WWOX: variants seen among roughly 807,000 people sequenced by gnomAD.
The protein encoded by WWOX is WW domain containing oxidoreductase.
WWOX carries 69 observed loss-of-function variants against 46.2 expected under a neutral mutation model. That is an observed-to-expected ratio of 1.49 (90% CI 1.23 to 1.82). The LOEUF is 1.82. Among genes scored for constraint, WWOX ranks in the 40% most tolerant of loss-of-function variants. The pLI is 0.00. For missense variants in WWOX, 919 were observed against 542.6 expected (o/e 1.69, Z -6.89); for synonymous variants, 359 against 202.6 (o/e 1.77, Z -6.56).
At chr16:78,425,707 G>C (rs979126031) in intron 7 of WWOX, among the ~76,000 whole-genome samples, 1 of 152,144 alleles carries the variant, frequency 6.6e-6, no homozygotes, top group African/African-American at 2.4e-5. Flanking sequence ...TATTTGTCTA[G>C]AGAGAAGTAC....
intron 8 of WWOX, among the ~76,000 whole-genome samples, chr16:78,720,749 C>T (rs941449714): frequency 1.3e-5 from 2 of 152,250 alleles, no homozygotes; most frequent in African/African-American, 4.8e-5. Flanking sequence ...CTTGTCTCTT[C>T]TAGAATTTAG....
intron 5 of WWOX, among the ~76,000 whole-genome samples, chr16:78,174,317 C>T (rs1057049398): frequency 2.6e-5 from 4 of 152,180 alleles, no homozygotes; most frequent in African/African-American, 4.8e-5. Flanking sequence ...ATAAACCCAT[C>T]AGATCTCTTG....
chr16:78,729,048 C>G (rs1181850615), intron 8 of WWOX, among the ~76,000 whole-genome samples: 1 of 151,990 alleles, frequency 6.6e-6, no homozygotes, highest in East Asian at 1.9e-4. Flanking sequence ...CAAAGATATC[C>G]CTAAAGACAT....
intron 7 of WWOX, among the ~76,000 whole-genome samples, chr16:78,428,315 T>C (rs2083134926): frequency 6.6e-6 from 1 of 152,152 alleles, no homozygotes; most frequent in Admixed American, 6.5e-5. Context: ...GAGGTGAACA[T>C]AGTCGTTTTT....
At chr16:78,575,037 ATATATATATATATATAT>A (rs2044829542) in intron 8 of WWOX, among the ~76,000 whole-genome samples, 2 of 2,562 alleles carry the variant, frequency 7.8e-4, no homozygotes, top group African/African-American at 3.5e-3. Context: ...ATATATATAT[ATATATATATATATATAT>A]ATATATATAT....
chr16:78,744,422 C>CTTTTTTTTT (rs976073233), intron 8 of WWOX, among the ~76,000 whole-genome samples: 2 of 82,240 alleles, frequency 2.4e-5, no homozygotes, highest in African/African-American at 1.2e-4. Flanking sequence ...GTCCACACTG[C>CTTTTTTTTT]TTTTTTTTTT....
At chr16:78,500,808 C>T (rs905868162) in intron 8 of WWOX, among the ~76,000 whole-genome samples, 8 of 152,180 alleles carry the variant, frequency 5.3e-5, no homozygotes, top group African/African-American at 1.7e-4. Context: ...TGTCATTGAT[C>T]AGTACAGACC....
rs533887197 is a variant in WWOX, at chr16:78,941,182, A to G, written c.1057-270426A>G. On this transcript the variant is annotated intron_variant, in intron 8 of 8. Transcript: ENST00000566780. ...ACTGGTGCATGAATGAATAGGAAATATCCCAGTTGCAAAGGATAAATCTAT... is the reference window on the plus strand; with the variant it reads ...ACTGGTGCATGAATGAATAGGAAATGTCCCAGTTGCAAAGGATAAATCTAT... Among the ~76,000 whole-genome samples the G allele has an allele frequency of 8.5e-5, 13 of 152,300 alleles. No homozygotes were observed. The East Asian group carries it at 2.5e-3, about 29-fold the overall frequency.
rs189466742 is a variant in WWOX, at chr16:78,745,773, C to G, written c.1056+313021C>G. Among the ~76,000 whole-genome samples, 525 of 151,622 alleles carry G rather than the reference C, an allele frequency of 3.5e-3. 7 individuals are homozygous for G. Among genetic ancestry groups the G allele is most frequent in the South Asian group, 6.3e-3 (30 of 4,782 alleles). The stretch of plus-strand genomic sequence containing the variant: ...CCCTCTTCCTCCTCTTTTTCCCCCC[C>G]CTTCAAATAGTTCCAAGACCAGAGT... On this transcript the variant is annotated intron_variant, in intron 8 of 8. Coordinates refer to ENST00000566780, the MANE Select transcript of WWOX (RefSeq NM_016373.4).
intron 8 of WWOX, among the ~76,000 whole-genome samples, chr16:78,505,204 A>G (rs184495972): frequency 2.4e-4 from 36 of 152,304 alleles, no homozygotes; most frequent in Admixed American, 2.2e-3. Context: ...GCCCATCCCA[A>G]ATGAATTCTA....
At chr16:78,817,558 C>G (rs150717710) in intron 8 of WWOX, among the ~76,000 whole-genome samples, 38 of 152,270 alleles carry the variant, frequency 2.5e-4, no homozygotes, top group African/African-American at 9.1e-4. Flanking sequence ...ATTCACGAAC[C>G]CATGCCAAGT....
chr16:78,760,742 C>A (rs2049771589), intron 8 of WWOX, among the ~76,000 whole-genome samples: 2 of 152,220 alleles, frequency 1.3e-5, no homozygotes, highest in South Asian at 4.1e-4. Flanking sequence ...CAGAATACCT[C>A]TCATGCCTGG....
chr16:78,850,243 C>G (rs933504858), intron 8 of WWOX, among the ~76,000 whole-genome samples: 1 of 152,094 alleles, frequency 6.6e-6, no homozygotes, highest in Non-Finnish European at 1.5e-5. Flanking sequence ...TGTCATCACT[C>G]CAGACAACAG....
intron 5 of WWOX, among the ~76,000 whole-genome samples, chr16:78,357,715 C>A (rs1228239326): frequency 6.6e-6 from 1 of 152,142 alleles, no homozygotes; most frequent in Non-Finnish European, 1.5e-5. Flanking sequence ...CTTCCACATG[C>A]CAGGCACAGT....
chr16:79,034,062 A>G (rs1042568635), intron 8 of WWOX, among the ~76,000 whole-genome samples: 1 of 152,194 alleles, frequency 6.6e-6, no homozygotes, highest in African/African-American at 2.4e-5. Flanking sequence ...GGCTGTGCCC[A>G]CGTGGTCTGT....
At chr16:79,009,637 G>A (rs1296876249) in intron 8 of WWOX, among the ~76,000 whole-genome samples, 1 of 152,192 alleles carries the variant, frequency 6.6e-6, no homozygotes, top group African/African-American at 2.4e-5. Flanking sequence ...TTTTGGTAAA[G>A]ACAAGGTTTC....
chr16:78,269,432 G>T (rs1299282825), intron 5 of WWOX, among the ~76,000 whole-genome samples: 1 of 152,168 alleles, frequency 6.6e-6, no homozygotes, highest in African/African-American at 2.4e-5. Flanking sequence ...GATGGCTCCT[G>T]CAGCAGCCAT....
intron 8 of WWOX, among the ~76,000 whole-genome samples, chr16:78,820,665 C>G (rs1377893372): frequency 6.6e-6 from 1 of 152,160 alleles, no homozygotes; most frequent in Non-Finnish European, 1.5e-5. Context: ...TTAATACCAA[C>G]CATGCCACGT....
At chr16:78,332,053 T>C (rs1170341364) in intron 5 of WWOX, among the ~76,000 whole-genome samples, 1 of 152,170 alleles carries the variant, frequency 6.6e-6, no homozygotes, top group Non-Finnish European at 1.5e-5. Flanking sequence ...GTCTGATTAC[T>C]GTTTCTCTGT....
Sources: allele counts gnomAD v4.1 joint callset (sites outside exome capture counted in the v4.1 genomes callset), GRCh38; gene constraint gnomAD v4.1.1; transcripts MANE v1.5; gene names NCBI Gene and HGNC (gene_info 2026-07-23, HGNC 2026-07-21).